The following DOCK7 variants were observed in gnomAD, a reference collection of about 807,000 sequenced individuals.
The protein encoded by DOCK7 is dedicator of cytokinesis 7.
Under a neutral mutation model 271.0 loss-of-function variants are expected in DOCK7, and 138 were observed. The observed-to-expected ratio is 0.51, with a 90% CI of 0.44 to 0.59. The LOEUF is 0.59. DOCK7 is among the 20% of genes least tolerant of loss of function. The pLI is 0.00. For synonymous variants in DOCK7, 823 were observed against 876.1 expected (o/e 0.94, Z 1.07); for missense variants, 2,066 against 2,592.4 (o/e 0.80, Z 4.41).
At chr1:62,601,682 C>G in intron 14 of DOCK7, 1 of 972,468 alleles carries the variant, frequency 1.0e-6, no homozygotes. Context: ...TTTGCCACAA[C>G]TTCATAAAAT....
chr1:62,493,504 T>C (rs1479251883), intron 40 of DOCK7, among the ~76,000 whole-genome samples: 19 of 152,192 alleles, frequency 1.2e-4, no homozygotes, highest in Admixed American at 1.2e-3. Flanking sequence ...TTTCAAGTTT[T>C]GGTTTCTTTT....
At chr1:62,633,882 T>G (rs1042798775) in intron 9 of DOCK7, 4 of 226,936 alleles carry the variant, frequency 1.8e-5, no homozygotes, top group Non-Finnish European at 2.6e-5. Flanking sequence ...AAGACAAGAA[T>G]GCCCACATTA....
At chr1:62,656,099 A>G (rs1413314029) in intron 2 of DOCK7, among the ~76,000 whole-genome samples, 1 of 152,218 alleles carries the variant, frequency 6.6e-6, no homozygotes, top group Non-Finnish European at 1.5e-5. Flanking sequence ...AGGAAAAGAG[A>G]AATCTTCTTT....
At chr1:62,496,544 T>A (rs1238001725) in intron 37 of DOCK7, 47 bp from the exon 38 acceptor site, 1 of 1,514,016 alleles carries the variant, frequency 6.6e-7, no homozygotes, top group Non-Finnish European at 8.9e-7. Flanking sequence ...AGAAAAGCTT[T>A]AAAAAGTCTG....
intron 14 of DOCK7, among the ~76,000 whole-genome samples, chr1:62,613,726 T>C (rs559665870): frequency 3.3e-5 from 5 of 152,266 alleles, no homozygotes; most frequent in African/African-American, 1.2e-4. Context: ...ATGATGTCCA[T>C]TCATTCCCCC....
At chr1:62,521,241 T>TA (rs1481664039) in intron 31 of DOCK7, among the ~76,000 whole-genome samples, 5 of 152,000 alleles carry the variant, frequency 3.3e-5, no homozygotes, top group African/African-American at 1.2e-4. Flanking sequence ...TCCCAGAACT[T>TA]AAAGTATAAT....
chr1:62,461,575 G>A (rs1010970463), intron 48 of DOCK7, among the ~76,000 whole-genome samples: 4 of 151,580 alleles, frequency 2.6e-5, no homozygotes, highest in African/African-American at 9.7e-5. Flanking sequence ...GCTGAGGCAG[G>A]AGGATCGCTT....
intron 7 of DOCK7, among the ~76,000 whole-genome samples, chr1:62,642,733 A>G (rs949743758): frequency 6.6e-6 from 1 of 152,080 alleles, no homozygotes; most frequent in Non-Finnish European, 1.5e-5. Context: ...ATGTTTTTCA[A>G]TTTCTTTGTT....
At position 62,455,249 on chromosome 1, in the gene DOCK7, A is replaced by G; in HGVS notation, c.*165T>C. 1 of 767,470 alleles carries G rather than the reference A, an allele frequency of 1.3e-6. No individual in the cohort carries two copies. Among genetic ancestry groups the G allele is most frequent in the Non-Finnish European group, 2.2e-6 (1 of 445,790 alleles). 47.5% of individuals were successfully genotyped at this position (767,470 alleles called of 1,614,324 possible). ...CAGAACATTAGAAACCATAGCCATG[A>G]TTCTCAAGCGTTAACAATCTACATT... On this transcript the variant is annotated 3_prime_UTR_variant, in exon 50 of 50. Transcript: ENST00000635253.
chr1:62,474,632 G>C (rs897128654), intron 47 of DOCK7, among the ~76,000 whole-genome samples: 1 of 152,070 alleles, frequency 6.6e-6, no homozygotes, highest in Non-Finnish European at 1.5e-5. Flanking sequence ...TTTTGGCTTT[G>C]TTCTTTTAAT....
Position 62,455,096 on chromosome 1 carries a change from G to T in DOCK7, c.*318C>A. 2 of 510,938 alleles carry T rather than the reference G, an allele frequency of 3.9e-6. No homozygotes were observed. The highest frequency in any genetic ancestry group is 3.4e-6 in the Non-Finnish European group (1 of 291,874). 31.7% of individuals were successfully genotyped at this position (510,938 alleles called of 1,614,324 possible). On this transcript the variant is annotated 3_prime_UTR_variant, in exon 50 of 50. Transcript: ENST00000635253. ...TGGTTCCAAAATGAATCTATAAATGGTAATATAAATTAAAAAATACGAACT... is the reference window on the plus strand; with the variant it reads ...TGGTTCCAAAATGAATCTATAAATGTTAATATAAATTAAAAAATACGAACT...
intron 2 of DOCK7, among the ~76,000 whole-genome samples, chr1:62,662,034 C>T (rs1168102): frequency 0.58 from 87,941 of 151,920 alleles, 27,259 homozygotes; most frequent in East Asian, 0.76. Flanking sequence ...TTTAGTAACA[C>T]AAACATTATA....
At chr1:62,649,117 CTTAAA>C (rs1393000291) in intron 4 of DOCK7, among the ~76,000 whole-genome samples, 1 of 152,072 alleles carries the variant, frequency 6.6e-6, no homozygotes, top group Admixed American at 6.5e-5. Flanking sequence ...AAAAACAACT[CTTAAA>C]TTAATGCAAG....
chr1:62,470,936 A>C (rs1571207593), intron 48 of DOCK7, among the ~76,000 whole-genome samples: 2 of 150,776 alleles, frequency 1.3e-5, no homozygotes, highest in Admixed American at 6.6e-5. Flanking sequence ...TACCTCCCCC[A>C]CCTCCTCTGC....
intron 43 of DOCK7, chr1:62,485,587 C>T (rs1646269442): frequency 2.0e-6 from 2 of 985,120 alleles, no homozygotes; most frequent in Non-Finnish European, 2.4e-6. Flanking sequence ...GGAAACATTG[C>T]TTTTAGAAAA....
chr1:62,548,641 G>A (rs981340588), intron 22 of DOCK7, among the ~76,000 whole-genome samples: 3 of 151,908 alleles, frequency 2.0e-5, no homozygotes, highest in Non-Finnish European at 4.4e-5. Flanking sequence ...GGCTGGTCTC[G>A]AACTCCCAAC....
intron 31 of DOCK7, 70 bp from the exon 32 acceptor site, chr1:62,513,968 G>A: frequency 1.4e-6 from 2 of 1,397,790 alleles, no homozygotes; most frequent in Non-Finnish European, 1.9e-6. Flanking sequence ...GCTATCAACT[G>A]TTTTCTTCTA....
chr1:62,490,155 T>C (rs1246695754), intron 41 of DOCK7, among the ~76,000 whole-genome samples: 2 of 151,506 alleles, frequency 1.3e-5, no homozygotes, highest in African/African-American at 4.9e-5. Context: ...ACTACAGCCT[T>C]GAACTCCTGG....
intron 2 of DOCK7, among the ~76,000 whole-genome samples, chr1:62,656,794 G>T (rs1658069501): frequency 6.6e-6 from 1 of 151,928 alleles, no homozygotes; most frequent in African/African-American, 2.4e-5. Flanking sequence ...CCCTAGGGGT[G>T]GGAGGGCCGG....
Sources: allele counts gnomAD v4.1 joint callset (sites outside exome capture counted in the v4.1 genomes callset), GRCh38; gene constraint gnomAD v4.1.1; transcripts MANE v1.5; gene names NCBI Gene and HGNC (gene_info 2026-07-23, HGNC 2026-07-21).